THADA: variants seen among roughly 807,000 people sequenced by gnomAD.
The protein encoded by THADA is THADA armadillo repeat containing.
In THADA, 213 loss-of-function variants were observed where a neutral mutation model predicts 219.8. The observed-to-expected ratio is 0.97, with a 90% CI of 0.87 to 1.09. THADA has a LOEUF of 1.09. THADA is among the 50% of genes least tolerant of loss of function. THADA has a pLI of 0.00. For synonymous variants in THADA, 1,018 were observed against 828.9 expected, an observed-to-expected ratio of 1.23 and a Z score of -3.92; for missense variants, 2,956 against 2,311.3, an observed-to-expected ratio of 1.28 and a Z score of -5.72.
rs558057449 is a variant in THADA at position 43,566,124 on chromosome 2, G to GA, written c.2311+573dup. On this transcript the variant is annotated intron_variant, in intron 15 of 37. Coordinates refer to ENST00000405975, the MANE Select transcript of THADA (RefSeq NM_022065.5). ...AAAGGAATCATTTCTTGTCAAAAAG[G>GA]AAAAAATGAAACAAAAAAAAAAGAT... 9.3e-4 allele frequency: 223 copies of GA among 241,002 alleles called. 1 individual carries two copies. Among genetic ancestry groups the GA allele is most frequent in the African/African-American group, 5.6e-3 (210 of 37,312 alleles). The allele number at this position is 241,002 out of a possible 1,614,324, so 14.9% of individuals were successfully genotyped here. A position where few individuals can be genotyped will look rare whatever the true frequency, so the allele number is the denominator to read the frequency against.
intron 26 of THADA, among the ~76,000 whole-genome samples, chr2:43,461,863 T>C (rs1304995122): frequency 6.6e-6 from 1 of 152,222 alleles, no homozygotes; most frequent in Non-Finnish European, 1.5e-5. Flanking sequence ...TTTGGCAGTT[T>C]CACATCCCTT....
At chr2:43,586,602 A>G in intron 6 of THADA, 100 bp downstream of exon 6, 1 of 1,385,140 alleles carries the variant, frequency 7.2e-7, no homozygotes, top group Non-Finnish European at 9.9e-7. Flanking sequence ...TAAGTTATCT[A>G]CAATGCTCTA....
At chr2:43,434,454 C>T (rs958379151) in intron 26 of THADA, among the ~76,000 whole-genome samples, 3 of 152,158 alleles carry the variant, frequency 2.0e-5, no homozygotes, top group East Asian at 3.9e-4. Flanking sequence ...CACCCTGGCC[C>T]GCCATGCCCC....
intron 31 of THADA, among the ~76,000 whole-genome samples, chr2:43,302,926 TCTAAAAA>T (rs1188592663): frequency 9.2e-5 from 14 of 151,692 alleles, no homozygotes; most frequent in Non-Finnish European, 1.6e-4. Flanking sequence ...AGACCCTATC[TCTAAAAA>T]CTAAAAACTA....
intron 21 of THADA, among the ~76,000 whole-genome samples, chr2:43,532,328 G>A (rs1299164348): frequency 1.4e-5 from 2 of 146,994 alleles, no homozygotes; most frequent in East Asian, 2.0e-4. Flanking sequence ...CAGGAGACCC[G>A]TTTGAACCCG....
chr2:43,276,796 C>T (rs138435539), intron 36 of THADA, among the ~76,000 whole-genome samples: 41 of 152,154 alleles, frequency 2.7e-4, no homozygotes, highest in African/African-American at 8.9e-4. Context: ...GTGCCTTTCC[C>T]GATTTCCTGG....
intron 36 of THADA, among the ~76,000 whole-genome samples, chr2:43,246,833 C>G (rs1218065510): frequency 6.6e-6 from 1 of 152,176 alleles, no homozygotes; most frequent in African/African-American, 2.4e-5. Flanking sequence ...GACTACATTT[C>G]CCAAAGGCAT....
intron 26 of THADA, among the ~76,000 whole-genome samples, chr2:43,481,022 C>A (rs1016887078): frequency 1.3e-5 from 2 of 152,136 alleles, no homozygotes; most frequent in African/African-American, 4.8e-5. Context: ...TTTGAGAATT[C>A]AATTCTTTCC....
chr2:43,383,942 A>C (rs1459759541), intron 29 of THADA, among the ~76,000 whole-genome samples: 1 of 152,178 alleles, frequency 6.6e-6, no homozygotes, highest in East Asian at 1.9e-4. Flanking sequence ...TTCTTTTATT[A>C]ACTGAAATTT....
At chr2:43,402,981 C>A (rs1675053542) in intron 28 of THADA, among the ~76,000 whole-genome samples, 1 of 152,198 alleles carries the variant, frequency 6.6e-6, no homozygotes, top group African/African-American at 2.4e-5. Context: ...AGGAAGGAAA[C>A]TGAGATTAAG....
intron 26 of THADA, among the ~76,000 whole-genome samples, chr2:43,474,008 G>A (rs1038699604): frequency 6.6e-6 from 1 of 152,124 alleles, no homozygotes; most frequent in East Asian, 1.9e-4. Context: ...GACATCATAG[G>A]GGATAGGAAT....
At chr2:43,579,033 C>T (rs35319517) in intron 8 of THADA, among the ~76,000 whole-genome samples, 29,403 of 152,074 alleles carry the variant, frequency 0.19, 2,936 homozygotes, top group Middle Eastern at 0.27. Context: ...GGTTTCACCA[C>T]GTTGGCCATG....
intron 29 of THADA, among the ~76,000 whole-genome samples, chr2:43,356,340 A>T (rs1668869820): frequency 6.6e-6 from 1 of 152,180 alleles, no homozygotes; most frequent in African/African-American, 2.4e-5. Context: ...AGGGAATGAA[A>T]TATGTTTCAT....
intron 24 of THADA, among the ~76,000 whole-genome samples, chr2:43,501,708 C>T (rs1171955633): frequency 6.6e-6 from 1 of 152,158 alleles, no homozygotes; most frequent in Non-Finnish European, 1.5e-5. Flanking sequence ...CTTTGGGAGG[C>T]CTTAGCGGGC....
intron 21 of THADA, among the ~76,000 whole-genome samples, chr2:43,531,985 G>A (rs941278653): frequency 6.6e-6 from 1 of 150,914 alleles, no homozygotes; most frequent in Non-Finnish European, 1.5e-5. Context: ...TTTTTTTTTG[G>A]TGTGTGTTTT....
At chr2:43,338,232 C>T (rs890844932) in intron 30 of THADA, among the ~76,000 whole-genome samples, 24 of 150,606 alleles carry the variant, frequency 1.6e-4, no homozygotes, top group African/African-American at 5.4e-4. Flanking sequence ...TCTCGGCTCA[C>T]TGCAACTTCC....
At chr2:43,295,775 G>C (rs1434383975) in intron 31 of THADA, among the ~76,000 whole-genome samples, 1 of 152,028 alleles carries the variant, frequency 6.6e-6, no homozygotes, top group Non-Finnish European at 1.5e-5. Context: ...AATAATTCGA[G>C]ATTTAAAAAT....
intron 36 of THADA, among the ~76,000 whole-genome samples, chr2:43,267,904 C>T (rs1671704041): frequency 1.3e-5 from 2 of 152,194 alleles, no homozygotes; most frequent in Non-Finnish European, 2.9e-5. Flanking sequence ...GCTTGAAACC[C>T]CAGAAAATAC....
chr2:43,309,847 T>G (rs1359046793), intron 31 of THADA, among the ~76,000 whole-genome samples: 1 of 152,212 alleles, frequency 6.6e-6, no homozygotes, highest in Non-Finnish European at 1.5e-5. Context: ...CTATTAGAGC[T>G]AATAAGTTTG....
Sources: allele counts gnomAD v4.1 joint callset (sites outside exome capture counted in the v4.1 genomes callset), GRCh38; gene constraint gnomAD v4.1.1; transcripts MANE v1.5; gene names NCBI Gene and HGNC (gene_info 2026-07-23, HGNC 2026-07-21).